GULP1: variants seen among roughly 807,000 people sequenced by gnomAD.
GULP1 encodes the protein PTB domain-containing engulfment adapter protein 1.
Under a neutral mutation model 40.9 loss-of-function variants are expected in GULP1, and 19 were observed. The observed-to-expected ratio is 0.46, with a 90% CI of 0.32 to 0.68. GULP1 has a LOEUF of 0.68. GULP1 is among the 30% of genes least tolerant of loss of function. The pLI is 0.03. For synonymous variants in GULP1, 119 were observed against 117.6 expected (o/e 1.01, Z -0.08); for missense variants, 312 against 362.2 (o/e 0.86, Z 1.12).
At chr2:188,389,846 C>T (rs530948924) in intron 2 of GULP1, among the ~76,000 whole-genome samples, 28 of 152,196 alleles carry the variant, frequency 1.8e-4, no homozygotes, top group Non-Finnish European at 3.5e-4. Flanking sequence ...ATACCCATAG[C>T]TTAGCCAAGC....
chr2:188,561,776 G>A (rs1394807828), intron 7 of GULP1, among the ~76,000 whole-genome samples: 1 of 152,172 alleles, frequency 6.6e-6, no homozygotes, highest in Admixed American at 6.5e-5. Context: ...GCTGGGGAGT[G>A]GGGAATGCAC....
At chr2:188,410,266 G>T (rs575611179) in intron 2 of GULP1, among the ~76,000 whole-genome samples, 2 of 152,090 alleles carry the variant, frequency 1.3e-5, no homozygotes, top group Admixed American at 6.5e-5. Context: ...AAACAAAGGG[G>T]AAAAGCCCTG....
intron 2 of GULP1, among the ~76,000 whole-genome samples, chr2:188,435,333 G>A (rs79222967): frequency 0.024 from 3,582 of 152,126 alleles, 153 homozygotes; most frequent in African/African-American, 0.082. Flanking sequence ...AATTACTGCT[G>A]ATCTCATTGA....
At chr2:188,297,211 A>C (rs1439391133) in intron 1 of GULP1, among the ~76,000 whole-genome samples, 1 of 151,884 alleles carries the variant, frequency 6.6e-6, no homozygotes, top group East Asian at 1.9e-4. Context: ...ATACCTCCGA[A>C]AGAAGAGAAA....
At chr2:188,477,761 G>A in intron 3 of GULP1, 31 bp downstream of exon 3, 5 of 1,558,578 alleles carry the variant, frequency 3.2e-6, no homozygotes, top group Non-Finnish European at 4.4e-6. Context: ...AAACTTGGGA[G>A]TCAAGCCAAT....
chr2:188,563,130 A>G (rs1435171114), intron 7 of GULP1, among the ~76,000 whole-genome samples: 1 of 152,100 alleles, frequency 6.6e-6, no homozygotes, highest in Non-Finnish European at 1.5e-5. Context: ...AGAAAAACAA[A>G]TCAAAATTAA....
At chr2:188,500,350 A>G (rs980115506) in intron 4 of GULP1, among the ~76,000 whole-genome samples, 8 of 151,892 alleles carry the variant, frequency 5.3e-5, no homozygotes, top group Admixed American at 1.3e-4. Context: ...TTGATCAATA[A>G]TGTCTACCTT....
At chr2:188,486,688 C>T (rs1162185269) in intron 4 of GULP1, among the ~76,000 whole-genome samples, 3 of 151,640 alleles carry the variant, frequency 2.0e-5, no homozygotes, top group African/African-American at 2.4e-5. Context: ...GATCATTTGT[C>T]GATATAAAAT....
intron 4 of GULP1, among the ~76,000 whole-genome samples, chr2:188,492,048 T>G (rs2062444693): frequency 6.6e-6 from 1 of 152,068 alleles, no homozygotes; most frequent in Non-Finnish European, 1.5e-5. Flanking sequence ...CCAGATAGTA[T>G]ATCAGATAGT....
intron 4 of GULP1, among the ~76,000 whole-genome samples, chr2:188,489,057 A>C (rs548938600): frequency 9.3e-4 from 142 of 152,136 alleles, no homozygotes; most frequent in African/African-American, 3.3e-3. Flanking sequence ...AGAACATATG[A>C]TAAATTACCC....
chr2:188,538,221 G>C (rs1385861743), intron 6 of GULP1, among the ~76,000 whole-genome samples: 1 of 151,856 alleles, frequency 6.6e-6, no homozygotes, highest in Non-Finnish European at 1.5e-5. Context: ...TCTTCTGCTA[G>C]CTTTGGGGTT....
rs1704188357 is a variant in GULP1 at position 188,594,708 on chromosome 2, CTATT to C, written c.*702_*705del. 6.6e-6 allele frequency: 1 copy of C among 151,442 alleles called. No individual in the cohort carries two copies. Among genetic ancestry groups the C allele is most frequent in the South Asian group, 2.1e-4 (1 of 4,818 alleles). 9.4% of individuals were successfully genotyped at this position (151,442 alleles called of 1,614,324 possible). On this transcript the variant is annotated 3_prime_UTR_variant, in exon 12 of 12. Transcript: ENST00000409830. ...AAGGTAGTGAAAAAATGAAAATTTG[CTATT>C]TATTAAAAAACATTAAATTTCATTC...
intron 1 of GULP1, among the ~76,000 whole-genome samples, chr2:188,308,165 C>T (rs2037457401): frequency 7.9e-6 from 1 of 125,946 alleles, no homozygotes; most frequent in Non-Finnish European, 1.7e-5. Context: ...TGTTCAGACT[C>T]AACTAATTTG....
At chr2:188,455,496 T>G (rs537703245) in intron 2 of GULP1, among the ~76,000 whole-genome samples, 13 of 152,272 alleles carry the variant, frequency 8.5e-5, no homozygotes, top group African/African-American at 3.1e-4. Flanking sequence ...CAAGCTCTGT[T>G]TGCCTGCTGC....
intron 2 of GULP1, among the ~76,000 whole-genome samples, chr2:188,407,784 G>C (rs559772679): frequency 6.6e-6 from 1 of 151,878 alleles, no homozygotes; most frequent in East Asian, 1.9e-4. Flanking sequence ...GTAATAAATC[G>C]TTTCCTATCA....
At chr2:188,544,393 G>C (rs1691344450) in intron 7 of GULP1, among the ~76,000 whole-genome samples, 1 of 151,864 alleles carries the variant, frequency 6.6e-6, no homozygotes, top group African/African-American at 2.4e-5. Flanking sequence ...GAAAATCTAA[G>C]CAAAGAAACA....
chr2:188,369,727 A>G (rs763791820), intron 1 of GULP1, among the ~76,000 whole-genome samples: 3 of 152,208 alleles, frequency 2.0e-5, no homozygotes, highest in Non-Finnish European at 4.4e-5. Flanking sequence ...TAACATCTGT[A>G]AAGTATCTTA....
chr2:188,405,062 C>G (rs1277974629), intron 2 of GULP1, among the ~76,000 whole-genome samples: 1 of 152,170 alleles, frequency 6.6e-6, no homozygotes, highest in African/African-American at 2.4e-5. Flanking sequence ...AGGTCCACCT[C>G]AGTAGATTCC....
At chr2:188,381,003 ATGG>A (rs1047112932) in intron 1 of GULP1, among the ~76,000 whole-genome samples, 6 of 152,260 alleles carry the variant, frequency 3.9e-5, no homozygotes, top group Admixed American at 1.3e-4. Context: ...TATATAATAA[ATGG>A]TGGCAAAACA....
Sources: gnomAD v4.1 joint callset for allele counts (sites outside exome capture counted in the v4.1 genomes callset) on GRCh38, gnomAD v4.1.1 for gene constraint, MANE v1.5 for transcripts, NCBI Gene and HGNC (gene_info 2026-07-23, HGNC 2026-07-21) for gene names.